Variants in GAPVD1 observed in about 807,000 individuals in gnomAD.
The protein encoded by GAPVD1 is GTPase-activating protein and VPS9 domain-containing protein 1.
In GAPVD1, 35 loss-of-function variants were observed where a neutral mutation model predicts 155.5. The observed-to-expected ratio is 0.23, with a 90% CI of 0.17 to 0.30. The LOEUF (loss-of-function observed/expected upper bound fraction) is 0.30. GAPVD1 is among the 10% of genes least tolerant of loss of function. GAPVD1 has a pLI of 1.00. For synonymous variants in GAPVD1, 636 were observed against 619.7 expected, an observed-to-expected ratio of 1.03 and a Z score of -0.39; for missense variants, 1,429 against 1,775.7, an observed-to-expected ratio of 0.80 and a Z score of 3.51.
rs534676723 is a variant in GAPVD1, at chr9:125,326,928, G to T, written c.2032+339G>T. Among the ~76,000 whole-genome samples the T allele has an allele frequency of 2.0e-5, 3 of 152,036 alleles. No homozygotes were observed. In the East Asian group the frequency reaches 5.8e-4, roughly 29 times the overall value. On this transcript the variant is annotated intron_variant, in intron 12 of 27. Coordinates refer to ENST00000297933, the MANE Select transcript of GAPVD1 (RefSeq NM_001282680.3). Reference sequence around the variant, plus strand: ...TAAGTTCTTAGTCTGTCTCTAATTAGTATATTCTCTGTTTGAAGCCAAACA... The same window carrying T: ...TAAGTTCTTAGTCTGTCTCTAATTATTATATTCTCTGTTTGAAGCCAAACA...
At chr9:125,266,082 A>G (rs2131647618) in intron 1 of GAPVD1, among the ~76,000 whole-genome samples, 1 of 151,092 alleles carries the variant, frequency 6.6e-6, no homozygotes, top group African/African-American at 2.4e-5. Flanking sequence ...CACGTCTATA[A>G]GGGATTATGA....
chr9:125,361,494 A>C (rs1850909964), intron 27 of GAPVD1, among the ~76,000 whole-genome samples: 1 of 151,846 alleles, frequency 6.6e-6, no homozygotes, highest in Non-Finnish European at 1.5e-5. Flanking sequence ...GCTGCACTCC[A>C]GCCTGGGCAA....
intron 9 of GAPVD1, among the ~76,000 whole-genome samples, chr9:125,317,625 CAAAAA>C (rs1204830778): frequency 1.8e-5 from 1 of 55,974 alleles, no homozygotes; most frequent in Non-Finnish European, 3.9e-5. Context: ...AACTCTGTCT[CAAAAA>C]AAAAAAAAAA....
intron 2 of GAPVD1, among the ~76,000 whole-genome samples, chr9:125,284,469 C>T (rs1377346890): frequency 2.0e-5 from 3 of 151,552 alleles, no homozygotes; most frequent in South Asian, 2.1e-4. Flanking sequence ...TGAGCCACCG[C>T]GCCTGGCAAC....
At chr9:125,334,736 C>T (rs1351292365) in intron 15 of GAPVD1, among the ~76,000 whole-genome samples, 3 of 148,394 alleles carry the variant, frequency 2.0e-5, no homozygotes, top group Non-Finnish European at 3.0e-5. Flanking sequence ...CTCGTCTCTA[C>T]AAAAATAAAA....
At chr9:125,292,862 C>G (rs186146198) in intron 2 of GAPVD1, among the ~76,000 whole-genome samples, 1 of 152,290 alleles carries the variant, frequency 6.6e-6, no homozygotes, top group African/African-American at 2.4e-5. Flanking sequence ...GCTCTCCTGA[C>G]TTCTGCAGAT....
In GAPVD1 at chr9:125,307,395, T is replaced by G; in HGVS notation, c.1117-18T>G. 6.5e-7 allele frequency: 1 copy of G among 1,549,042 alleles called. No homozygotes were observed. On this transcript the variant is annotated intron_variant, in intron 6 of 27. Coordinates refer to ENST00000297933, the MANE Select transcript of GAPVD1 (RefSeq NM_001282680.3). The stretch of plus-strand genomic sequence containing the variant: ...TTTTAAAGGGAAATGTTTCACTGTT[T>G]TTTTCCTGTTTTAACAGAGCTGTGT...
At chr9:125,310,861 C>G (rs543792866) in intron 8 of GAPVD1, among the ~76,000 whole-genome samples, 1 of 140,296 alleles carries the variant, frequency 7.1e-6, no homozygotes, top group Non-Finnish European at 1.5e-5. Context: ...TTTTTTTAGA[C>G]GGAGTTTCGC....
rs1343897297 is a variant in GAPVD1 at position 125,291,994 on chromosome 9, C to T, written c.-149-3464C>T. Among the ~76,000 whole-genome samples, 6 of 152,202 alleles carry T rather than the reference C, an allele frequency of 3.9e-5. No homozygotes were observed. In the East Asian group the frequency reaches 1.2e-3, roughly 29 times the overall value. On this transcript the variant is annotated intron_variant, in intron 2 of 27. Transcript: ENST00000297933. ...CGGTGACTCACACCTGTTATCCCAG[C>T]ACTTTAGGAGGCTGAGGTGGGAGGA...
At chr9:125,307,613 C>A in intron 7 of GAPVD1, 66 bp downstream of exon 7, 1 of 1,557,520 alleles carries the variant, frequency 6.4e-7, no homozygotes, top group Non-Finnish European at 8.8e-7. Flanking sequence ...CAAAAACATA[C>A]ATGAGTACAT....
rs998979551 is a variant in GAPVD1, at chr9:125,365,013, C to T, written c.*2267C>T. 1.3e-5 allele frequency: 2 copies of T among 152,170 alleles called. No homozygotes were observed. Among genetic ancestry groups the T allele is most frequent in the African/African-American group, 4.8e-5 (2 of 41,358 alleles). The allele number at this position is 152,170 out of a possible 1,614,324, so 9.4% of individuals were successfully genotyped here. A position where few individuals can be genotyped will look rare whatever the true frequency, so the allele number is the denominator to read the frequency against. On this transcript the variant is annotated 3_prime_UTR_variant, in exon 28 of 28. Coordinates refer to ENST00000297933, the MANE Select transcript of GAPVD1 (RefSeq NM_001282680.3). The stretch of plus-strand genomic sequence containing the variant: ...AAATATGAAGATGTGGACATTGCAT[C>T]GGGGCTCTTTTCTGTGGAAGAGAAG...
intron 2 of GAPVD1, among the ~76,000 whole-genome samples, chr9:125,293,628 T>TTA (rs1410034205): frequency 2.1e-4 from 27 of 129,538 alleles, no homozygotes; most frequent in Non-Finnish European, 3.7e-4. Context: ...TTTATATATA[T>TTA]TATATATATA....
intron 2 of GAPVD1, among the ~76,000 whole-genome samples, chr9:125,286,651 T>C (rs150244171): frequency 6.0e-4 from 92 of 152,286 alleles, no homozygotes; most frequent in Non-Finnish European, 1.2e-3. Flanking sequence ...GATAAAATAT[T>C]GAGAGCTGCT....
chr9:125,276,196 GC>G (rs528354902), intron 2 of GAPVD1, among the ~76,000 whole-genome samples: 49 of 152,154 alleles, frequency 3.2e-4, no homozygotes, highest in African/African-American at 1.0e-3. Flanking sequence ...TTGTACTTGT[GC>G]CAGGCAGCGT....
chr9:125,319,599 A>G (rs1027992707), intron 9 of GAPVD1, among the ~76,000 whole-genome samples: 31 of 143,862 alleles, frequency 2.2e-4, no homozygotes. Flanking sequence ...GGGAAAAAAA[A>G]ACTTTTTTTT....
chr9:125,314,425 G>A (rs970384500), intron 9 of GAPVD1, among the ~76,000 whole-genome samples: 6 of 152,146 alleles, frequency 3.9e-5, no homozygotes, highest in Non-Finnish European at 8.8e-5. Flanking sequence ...GGAGGCCGAG[G>A]TGGGTGGATC....
intron 1 of GAPVD1, among the ~76,000 whole-genome samples, chr9:125,263,178 C>A (rs1230367377): frequency 6.6e-6 from 1 of 152,186 alleles, no homozygotes; most frequent in Admixed American, 6.5e-5. Context: ...GGTCCGTGCA[C>A]AAAAAGATTA....
chr9:125,271,317 C>T (rs1357909400), intron 2 of GAPVD1, among the ~76,000 whole-genome samples: 1 of 151,886 alleles, frequency 6.6e-6, no homozygotes, highest in East Asian at 1.9e-4. Context: ...AGCATGTTGT[C>T]AGACGTGTTT....
chr9:125,317,638 AAAAAG>A lies in GAPVD1; in HGVS notation c.1603-3786_1603-3782del, dbSNP rs555336100. Among the ~76,000 whole-genome samples, 183 of 151,710 alleles carry A rather than the reference AAAAAG, an allele frequency of 1.2e-3. No homozygotes were observed. In the Middle Eastern group the frequency reaches 0.014, roughly 11 times the overall value. ...GAAACTCTGTCTCAAAAAAAAAAAA[AAAAAG>A]AAAAGAAAGAAAAGAAAGAAAATGG... is the stretch of plus-strand genomic sequence containing the variant. On this transcript the variant is annotated intron_variant, in intron 9 of 27. Transcript: ENST00000297933.
Sources: gnomAD v4.1 joint callset for allele counts (sites outside exome capture counted in the v4.1 genomes callset) on GRCh38, gnomAD v4.1.1 for gene constraint, MANE v1.5 for transcripts, NCBI Gene and HGNC (gene_info 2026-07-23, HGNC 2026-07-21) for gene names.